Variants in TRERF1 observed in about 807,000 individuals in gnomAD.
The protein encoded by TRERF1 is transcriptional-regulating factor 1.
TRERF1 carries 27 observed loss-of-function variants against 122.9 expected under a neutral mutation model. That is an observed-to-expected ratio of 0.22 (90% CI 0.16 to 0.30). The LOEUF is 0.30. TRERF1 is among the 10% of genes least tolerant of loss of function. TRERF1 has a pLI of 1.00. For missense variants in TRERF1, 1,248 were observed against 1,560.3 expected (o/e 0.80, Z 3.37); for synonymous variants, 636 against 641.7 (o/e 0.99, Z 0.13).
intron 2 of TRERF1, among the ~76,000 whole-genome samples, chr6:42,419,264 C>T (rs1349010308): frequency 2.2e-5 from 3 of 138,170 alleles, no homozygotes; most frequent in Non-Finnish European, 4.7e-5. Flanking sequence ...CCCCACCCCC[C>T]GCCCCGGCTT....
rs553002598 is a variant in TRERF1 at position 42,427,868 on chromosome 6, T to TA, written c.-454+23308dup. Among the ~76,000 whole-genome samples, 129 of 149,138 alleles carry TA rather than the reference T, an allele frequency of 8.6e-4. 1 individual carries two copies. Among genetic ancestry groups the TA allele is most frequent in the African/African-American group, 2.6e-3 (107 of 40,726 alleles). ...CCCAGCACATTCTTTTTAATATATA[T>TA]AAAAAAAAAATCAGACTCTTGACAC... On this transcript the variant is annotated intron_variant, in intron 2 of 17. Coordinates refer to ENST00000372922, the Ensembl canonical transcript of TRERF1.
chr6:42,263,601 TGA>T lies in TRERF1; in HGVS notation c.1636-35_1636-34del. ...GACAATAAAGGCTTTGATCCTGGGC[TGA>T]GAGCAGCTCTCACAAGGGGGATGCA... is the stretch of plus-strand genomic sequence containing the variant. On this transcript the variant is annotated intron_variant, in intron 7 of 17. Transcript: ENST00000372922. This position sits in a 1 kb window ranked among gnomAD's most constrained non-coding sequence, Gnocchi z 5.6. The T allele has an allele frequency of 6.8e-7, 1 of 1,465,440 alleles. No homozygotes were observed. The highest frequency in any genetic ancestry group is 9.1e-7 in the Non-Finnish European group (1 of 1,104,364). The allele number at this position is 1,465,440 out of a possible 1,614,324, so 90.8% of individuals were successfully genotyped here. A position where few individuals can be genotyped will look rare whatever the true frequency, so the allele number is the denominator to read the frequency against.
intron 2 of TRERF1, among the ~76,000 whole-genome samples, chr6:42,398,182 G>A (rs1190875788): frequency 3.9e-5 from 6 of 152,238 alleles, no homozygotes; most frequent in Middle Eastern, 6.8e-3. Flanking sequence ...TGATGTATGC[G>A]GACTGGATGA....
At position 42,258,238 on chromosome 6, in the gene TRERF1, G is replaced by A. The variant is rs1777116584; in HGVS notation, c.2270-37C>T. The A allele has an allele frequency of 3.1e-6, 5 of 1,597,862 alleles. No homozygotes were observed. In the South Asian group the frequency reaches 4.4e-5, roughly 14 times the overall value. On this transcript the variant is annotated intron_variant, in intron 9 of 17. Coordinates refer to ENST00000372922, the Ensembl canonical transcript of TRERF1. Reference sequence around the variant, plus strand: ...AAATCAGAGGTCACTAGTCAACAGGGAAGGAATGTTGAAAAAGACTAAAGC... The same window carrying A: ...AAATCAGAGGTCACTAGTCAACAGGAAAGGAATGTTGAAAAAGACTAAAGC...
chr6:42,269,627 C>A lies in TRERF1; in HGVS notation c.-37G>T. ...TGGTTGTGAACGTCCAGCCACAAAA[C>A]CATAAAAAAGGTAAATAAAACAAAC... On this transcript the variant is annotated 5_prime_UTR_variant, in exon 5 of 18. Coordinates refer to ENST00000372922, the Ensembl canonical transcript of TRERF1. This position sits in a 1 kb window ranked among gnomAD's most constrained non-coding sequence, Gnocchi z 4.9. 1 of 1,593,058 alleles carries A rather than the reference C, an allele frequency of 6.3e-7. No homozygotes were observed. The highest frequency in any genetic ancestry group is 1.8e-5 in the Admixed American group (1 of 57,044).
At chr6:42,390,608 A>C (rs1421496963) in intron 2 of TRERF1, among the ~76,000 whole-genome samples, 1 of 152,110 alleles carries the variant, frequency 6.6e-6, no homozygotes, top group Non-Finnish European at 1.5e-5. Context: ...CGTCGGAGAG[A>C]CCAGGATGAG....
chr6:42,271,272 G>A (rs1162793959), intron 4 of TRERF1, among the ~76,000 whole-genome samples: 1 of 151,344 alleles, frequency 6.6e-6, no homozygotes, highest in Non-Finnish European at 1.5e-5. Flanking sequence ...GGTGCAAGCT[G>A]TCCTTTTAGG....
intron 3 of TRERF1, among the ~76,000 whole-genome samples, chr6:42,329,645 A>G (rs1050031086): frequency 1.3e-5 from 2 of 152,134 alleles, no homozygotes; most frequent in Non-Finnish European, 2.9e-5. Context: ...GGAACAGGTC[A>G]TTCTGGAGGC....
chr6:42,324,571 G>T (rs1763972118), intron 3 of TRERF1, among the ~76,000 whole-genome samples: 1 of 152,052 alleles, frequency 6.6e-6, no homozygotes, highest in Admixed American at 6.6e-5. Context: ...ATCAATGGAA[G>T]AGAAGAGAAA....
At chr6:42,239,306 G>A (rs1429802815) in intron 15 of TRERF1, among the ~76,000 whole-genome samples, 1 of 152,140 alleles carries the variant, frequency 6.6e-6, no homozygotes, top group Admixed American at 6.6e-5. Flanking sequence ...TTTGATCACA[G>A]CCAGCCCCAT....
At chr6:42,266,966 G>A (rs1285829695) in intron 5 of TRERF1, among the ~76,000 whole-genome samples, 1 of 152,164 alleles carries the variant, frequency 6.6e-6, no homozygotes, top group African/African-American at 2.4e-5. Context: ...CCTGGATCAT[G>A]TGGGCAGCTA....
At chr6:42,414,301 T>A (rs2151484649) in intron 2 of TRERF1, among the ~76,000 whole-genome samples, 1 of 152,296 alleles carries the variant, frequency 6.6e-6, no homozygotes, top group South Asian at 2.1e-4. Context: ...TAATGCGCCA[T>A]AAAGTGTAGG....
Position 42,259,818 on chromosome 6 carries a change from A to T in TRERF1, c.1885-95T>A. 1 of 1,540,248 alleles carries T rather than the reference A, an allele frequency of 6.5e-7. No homozygotes were observed. The highest frequency in any genetic ancestry group is 8.7e-7 in the Non-Finnish European group (1 of 1,149,232). Reference sequence around the variant, plus strand: ...GAAGGGGGCCTTCTACTGTCTAAGCAGAGAGCCCTTCTGCTTGACCCCCCC... The same window carrying T: ...GAAGGGGGCCTTCTACTGTCTAAGCTGAGAGCCCTTCTGCTTGACCCCCCC... On this transcript the variant is annotated intron_variant, in intron 8 of 17. Coordinates refer to ENST00000372922, the Ensembl canonical transcript of TRERF1. The surrounding 1 kb of genome is among the most constrained non-coding windows in gnomAD (Gnocchi z 4.9).
chr6:42,395,062 G>A lies in TRERF1; in HGVS notation c.-453-31983C>T, dbSNP rs56118181. ...TGTTCCCAGGAAAACAAGACAGGTG[G>A]GGTAGACAGGGCCGGCACCCTTCTG... On this transcript the variant is annotated intron_variant, in intron 2 of 17. Coordinates refer to ENST00000372922, the Ensembl canonical transcript of TRERF1. Among the ~76,000 whole-genome samples the A allele has an allele frequency of 7.4e-3, 1,121 of 152,324 alleles. 30 individuals are homozygous for A. In the East Asian group the frequency reaches 0.1, roughly 14 times the overall value.
chr6:42,285,515 C>T (rs1368101895), intron 4 of TRERF1, among the ~76,000 whole-genome samples: 2 of 152,172 alleles, frequency 1.3e-5, no homozygotes, highest in East Asian at 3.9e-4. Flanking sequence ...ACTTCCAACA[C>T]TATGTTGAAT....
At chr6:42,352,650 G>C (rs1769687998) in intron 3 of TRERF1, among the ~76,000 whole-genome samples, 1 of 152,118 alleles carries the variant, frequency 6.6e-6, no homozygotes, top group Non-Finnish European at 1.5e-5. Context: ...ACAAATGATT[G>C]TACAAAAATG....
At chr6:42,234,344 GT>G (rs112440663) in intron 16 of TRERF1, among the ~76,000 whole-genome samples, 5,631 of 141,594 alleles carry the variant, frequency 0.04, 373 homozygotes, top group African/African-American at 0.14. Flanking sequence ...TTGTTTGCTT[GT>G]TTTTTTTTTT....
rs149059792 is a variant in TRERF1 at position 42,295,088 on chromosome 6, G to C, written c.-259+5550C>G. The stretch of plus-strand genomic sequence containing the variant: ...TTGGCCACTCGGCTGGGCTGGAAAT[G>C]TCCAATCATCTTGGGAGACTGGGAT... On this transcript the variant is annotated intron_variant, in intron 4 of 17. Coordinates refer to ENST00000372922, the Ensembl canonical transcript of TRERF1. 2.0e-3 allele frequency among the ~76,000 whole-genome samples: 312 copies of C among 152,304 alleles called. 1 individual carries two copies. The highest frequency in any genetic ancestry group is 3.3e-3 in the Non-Finnish European group (223 of 68,032).
At chr6:42,408,694 T>C (rs1156342367) in intron 2 of TRERF1, among the ~76,000 whole-genome samples, 1 of 152,014 alleles carries the variant, frequency 6.6e-6, no homozygotes. Flanking sequence ...TAACATGATT[T>C]TATTATTTTT....
Sources: allele counts gnomAD v4.1 joint callset (sites outside exome capture counted in the v4.1 genomes callset), GRCh38; gene constraint gnomAD v4.1.1; non-coding constraint Gnocchi (gnomAD v3.1); transcripts MANE v1.5; gene names NCBI Gene and HGNC (gene_info 2026-07-23, HGNC 2026-07-21).